The following PLXNC1 variants were observed in gnomAD, a reference collection of about 807,000 sequenced individuals.
PLXNC1 encodes the protein plexin C1, also known as plexin-C1.
PLXNC1 carries 75 observed loss-of-function variants against 178.2 expected under a neutral mutation model. The observed-to-expected ratio is 0.42, with a 90% CI of 0.35 to 0.51. PLXNC1 has a LOEUF of 0.51. Ranked by LOEUF, PLXNC1 falls within the 20% of genes least tolerant of loss-of-function variation. The pLI, the probability that PLXNC1 is intolerant of heterozygous loss-of-function variation, is 0.02. For synonymous variants in PLXNC1, 790 were observed against 779.9 expected (o/e 1.01, Z -0.22); for missense variants, 1,503 against 1,984.4 (o/e 0.76, Z 4.61).
intron 12 of PLXNC1, among the ~76,000 whole-genome samples, chr12:94,247,227 GT>G (rs988346508): frequency 6.6e-6 from 1 of 151,190 alleles, no homozygotes; most frequent in African/African-American, 2.4e-5. Context: ...ATGTGTTGTT[GT>G]TTTTTTTTAA....
In PLXNC1 at chr12:94,208,097, A is replaced by G. The variant is rs530398535; in HGVS notation, c.1440-1493A>G. On this transcript the variant is annotated intron_variant, in intron 4 of 30. Coordinates refer to ENST00000258526, the MANE Select transcript of PLXNC1 (RefSeq NM_005761.3). ...CTCTCCGTTGCAAACTCTCTCTGAC[A>G]TTGACAGGCGGTTTAATTTGAACTT... 3.3e-5 allele frequency among the ~76,000 whole-genome samples: 5 copies of G among 152,326 alleles called. No homozygotes were observed. In the South Asian group the frequency reaches 1.0e-3, roughly 32 times the overall value.
intron 1 of PLXNC1, among the ~76,000 whole-genome samples, chr12:94,158,901 G>T (rs1157396329): frequency 2.0e-5 from 3 of 152,184 alleles, no homozygotes; most frequent in African/African-American, 4.8e-5. Flanking sequence ...GCCTGTCCCT[G>T]AGGCATCTCC....
intron 1 of PLXNC1, among the ~76,000 whole-genome samples, chr12:94,155,813 G>A (rs2135921282): frequency 6.6e-6 from 1 of 152,272 alleles, no homozygotes; most frequent in Middle Eastern, 3.4e-3. Context: ...TCTCTCCAAG[G>A]GTCCATTCTT....
intron 5 of PLXNC1, among the ~76,000 whole-genome samples, chr12:94,217,308 C>T (rs4761593): frequency 0.64 from 97,423 of 152,044 alleles, 32,817 homozygotes; most frequent in Middle Eastern, 0.77. Flanking sequence ...TGGTCCCTTC[C>T]CTCCCTGTCT....
chr12:94,156,704 C>CTTT (rs1209546709), intron 1 of PLXNC1, among the ~76,000 whole-genome samples: 7 of 129,938 alleles, frequency 5.4e-5, no homozygotes, highest in East Asian at 2.3e-4. Context: ...TGGAAACTTT[C>CTTT]TTTCTTTTTT....
At chr12:94,282,207 T>C in intron 22 of PLXNC1, 91 bp from the exon 23 acceptor site, 1 of 832,898 alleles carries the variant, frequency 1.2e-6, no homozygotes, top group Admixed American at 2.0e-5. Context: ...GATTTACCAC[T>C]TTATTCAAGT....
intron 5 of PLXNC1, among the ~76,000 whole-genome samples, chr12:94,219,803 TTTTA>T (rs61371301): frequency 0.029 from 3,325 of 116,422 alleles, 122 homozygotes; most frequent in African/African-American, 0.074. Context: ...TCTTTTATAT[TTTTA>T]TTTATTTATT....
At chr12:94,257,774 G>C (rs553673247) in intron 17 of PLXNC1, among the ~76,000 whole-genome samples, 7 of 152,130 alleles carry the variant, frequency 4.6e-5, no homozygotes, top group Admixed American at 4.6e-4. Flanking sequence ...AGGCATGGTG[G>C]CGGGCGCCTG....
At chr12:94,159,048 G>A (rs1961278743) in intron 1 of PLXNC1, among the ~76,000 whole-genome samples, 2 of 152,182 alleles carry the variant, frequency 1.3e-5, no homozygotes, top group Non-Finnish European at 2.9e-5. Context: ...AAGGTTGGAG[G>A]CAAAGCACCT....
intron 14 of PLXNC1, among the ~76,000 whole-genome samples, chr12:94,250,187 G>A (rs1262385101): frequency 6.6e-6 from 1 of 152,172 alleles, no homozygotes; most frequent in Non-Finnish European, 1.5e-5. Flanking sequence ...CAGAGCAGAG[G>A]CTTCTGAGGT....
At chr12:94,264,014 C>T (rs988103926) in intron 20 of PLXNC1, among the ~76,000 whole-genome samples, 1 of 152,156 alleles carries the variant, frequency 6.6e-6, no homozygotes, top group South Asian at 2.1e-4. Flanking sequence ...GCTTGTCAAG[C>T]TTGACTCTTA....
At chr12:94,251,554 G>A in intron 15 of PLXNC1, 26 bp downstream of exon 15, 2 of 1,426,480 alleles carry the variant, frequency 1.4e-6, no homozygotes, top group Non-Finnish European at 2.0e-6. Flanking sequence ...AATTTTGTCA[G>A]AGAAATTATT....
At chr12:94,195,242 C>A (rs1962871859) in intron 4 of PLXNC1, among the ~76,000 whole-genome samples, 1 of 152,136 alleles carries the variant, frequency 6.6e-6, no homozygotes, top group Non-Finnish European at 1.5e-5. Context: ...CCACGTTAAT[C>A]CAAGTCTCTC....
chr12:94,244,051 A>G (rs112498050), intron 12 of PLXNC1, 26 bp downstream of exon 12: 2 of 1,341,130 alleles, frequency 1.5e-6, no homozygotes, highest in African/African-American at 1.4e-5. Context: ...CTTTGTAATA[A>G]TAGTTGTTTT....
chr12:94,196,002 A>C (rs946832179), intron 4 of PLXNC1, among the ~76,000 whole-genome samples: 1 of 151,870 alleles, frequency 6.6e-6, no homozygotes, highest in Non-Finnish European at 1.5e-5. Flanking sequence ...TCTCCAAGTG[A>C]CACTCCTTCC....
Position 94,260,502 on chromosome 12 carries a change from T to C in PLXNC1, c.3252-140T>C, listed in dbSNP as rs1226728522. On this transcript the variant is annotated intron_variant, in intron 19 of 30. Transcript: ENST00000258526. The surrounding 1 kb of genome is among the most constrained non-coding windows in gnomAD (Gnocchi z 4.4). ...TCTAGAGATAGAAGTGGTTAGAATC[T>C]AAACATTAAAAAAAAAAAAAAAAAA... is the stretch of plus-strand genomic sequence containing the variant. 6 of 570,848 alleles carry C rather than the reference T, an allele frequency of 1.1e-5. No individual in the cohort carries two copies. In the African/African-American group the frequency reaches 1.3e-4, roughly 13 times the overall value. 35.4% of individuals were successfully genotyped at this position (570,848 alleles called of 1,614,324 possible). A position where few individuals can be genotyped will look rare whatever the true frequency, so the allele number is the denominator to read the frequency against.
At chr12:94,177,095 ATATATATGTGTGTGTG>A (rs1257172539) in intron 2 of PLXNC1, among the ~76,000 whole-genome samples, 2 of 142,914 alleles carry the variant, frequency 1.4e-5, no homozygotes, top group Non-Finnish European at 3.0e-5. Context: ...ATATGTGTAT[ATATATATGTGTGTGTG>A]TATATATGTG....
At chr12:94,151,739 C>T (rs1960966555) in intron 1 of PLXNC1, among the ~76,000 whole-genome samples, 1 of 152,164 alleles carries the variant, frequency 6.6e-6, no homozygotes. Flanking sequence ...ACAGCTGTGT[C>T]GATGTGTGGA....
At chr12:94,210,603 A>T (rs143575863) in intron 5 of PLXNC1, among the ~76,000 whole-genome samples, 40 of 152,342 alleles carry the variant, frequency 2.6e-4, no homozygotes, top group African/African-American at 8.7e-4. Context: ...AATAGCAAGA[A>T]CTTTACCACT....
Sources: gnomAD v4.1 joint callset for allele counts (sites outside exome capture counted in the v4.1 genomes callset) on GRCh38, gnomAD v4.1.1 for gene constraint, Gnocchi (gnomAD v3.1) non-coding constraint, MANE v1.5 for transcripts, NCBI Gene and HGNC (gene_info 2026-07-23, HGNC 2026-07-21) for gene names.